The following ZFYVE9 variants were observed in gnomAD, a reference collection of about 807,000 sequenced individuals.
ZFYVE9 encodes zinc finger FYVE domain-containing protein 9.
In ZFYVE9, 43 loss-of-function variants were observed where a neutral mutation model predicts 126.7. The observed-to-expected ratio is 0.34, with a 90% CI of 0.27 to 0.44. The LOEUF is 0.44. Among genes scored for constraint, ZFYVE9 ranks in the 20% least tolerant of loss-of-function variants. The probability of loss-of-function intolerance (pLI) is 1.00; values close to 1 mark genes in which losing one functional copy is unlikely to be tolerated. For missense variants in ZFYVE9, 1,476 were observed against 1,697.0 expected (o/e 0.87, Z 2.29); for synonymous variants, 521 against 597.4 (o/e 0.87, Z 1.87).
chr1:52,320,166 G>T (rs924171294), intron 13 of ZFYVE9, among the ~76,000 whole-genome samples: 1 of 151,836 alleles, frequency 6.6e-6, no homozygotes, highest in Non-Finnish European at 1.5e-5. Flanking sequence ...CGCATCCTGG[G>T]TTCAAGTGAT....
chr1:52,277,299 G>T (rs1172859544), intron 8 of ZFYVE9, among the ~76,000 whole-genome samples: 1 of 152,018 alleles, frequency 6.6e-6, no homozygotes, highest in Non-Finnish European at 1.5e-5. Flanking sequence ...ATAAATCTTA[G>T]ATTAACAGGG....
chr1:52,312,956 G>A (rs7546683), intron 13 of ZFYVE9, among the ~76,000 whole-genome samples: 5 of 152,088 alleles, frequency 3.3e-5, no homozygotes, highest in African/African-American at 2.4e-5. Context: ...AGAGCAGGTC[G>A]AAATCCAATA....
At chr1:52,265,512 A>G (rs1449284222) in intron 5 of ZFYVE9, among the ~76,000 whole-genome samples, 1 of 152,138 alleles carries the variant, frequency 6.6e-6, no homozygotes, top group Non-Finnish European at 1.5e-5. Context: ...TTTCTGTAGC[A>G]CCTTTCATCC....
chr1:52,280,873 G>T (rs1289852654), intron 9 of ZFYVE9, among the ~76,000 whole-genome samples: 1 of 152,056 alleles, frequency 6.6e-6, no homozygotes, highest in African/African-American at 2.4e-5. Flanking sequence ...GTCACAACCT[G>T]AAGATAAAGC....
chr1:52,160,339 A>G, intron 1 of ZFYVE9: 2 of 1,129,830 alleles, frequency 1.8e-6, no homozygotes, highest in Admixed American at 1.7e-5. Flanking sequence ...CAAAAGACAG[A>G]TTGTGAGTCA....
At chr1:52,339,957 A>G (rs915279262) in intron 16 of ZFYVE9, among the ~76,000 whole-genome samples, 169 bp from the exon 17 acceptor site, 20 of 152,212 alleles carry the variant, frequency 1.3e-4, no homozygotes, top group Admixed American at 3.9e-4. Context: ...AGCTCAGTTC[A>G]TGTACATTTT....
Position 52,278,388 on chromosome 1 carries a change from A to G in ZFYVE9, c.2747-104A>G, listed in dbSNP as rs948403812. On this transcript the variant is annotated intron_variant, in intron 8 of 18. Coordinates refer to ENST00000287727, the MANE Select transcript of ZFYVE9 (RefSeq NM_004799.4). ...TCTGTATGCACCTATTGATAAATCA[A>G]ATGCATGTCTCTTTTCTGTGAATAA... 101 of 1,451,020 alleles carry G rather than the reference A, an allele frequency of 7.0e-5. No individual in the cohort carries two copies. The East Asian group carries it at 2.3e-3, about 33-fold the overall frequency. 89.9% of individuals were successfully genotyped at this position (1,451,020 alleles called of 1,614,324 possible). A position where few individuals can be genotyped will look rare whatever the true frequency, so the allele number is the denominator to read the frequency against.
At chr1:52,258,185 G>A (rs761016487) in intron 4 of ZFYVE9, among the ~76,000 whole-genome samples, 4 of 152,152 alleles carry the variant, frequency 2.6e-5, no homozygotes, top group Non-Finnish European at 4.4e-5. Context: ...GTGGGGAAAT[G>A]GAGAATAAGT....
At chr1:52,209,143 C>T (rs1242484126) in intron 1 of ZFYVE9, among the ~76,000 whole-genome samples, 2 of 152,078 alleles carry the variant, frequency 1.3e-5, no homozygotes, top group African/African-American at 2.4e-5. Flanking sequence ...CATAAGTGCT[C>T]TGATAGGGGT....
At position 52,181,452 on chromosome 1, in the gene ZFYVE9, G is replaced by A. The variant is rs539401964; in HGVS notation, c.-142-34917G>A. The stretch of plus-strand genomic sequence containing the variant: ...TCGCTACAATCTCCACCTCCCAGCC[G>A]CCTGCCTTGGCCTCCCAAAGTGCCG... On this transcript the variant is annotated intron_variant, in intron 1 of 18. Coordinates refer to ENST00000287727, the MANE Select transcript of ZFYVE9 (RefSeq NM_004799.4). Among the ~76,000 whole-genome samples the A allele has an allele frequency of 2.6e-3, 394 of 152,298 alleles. 2 individuals are homozygous for A. Among genetic ancestry groups the A allele is most frequent in the Non-Finnish European group, 3.7e-3 (249 of 68,028 alleles).
At chr1:52,308,302 T>A (rs1455507239) in intron 13 of ZFYVE9, among the ~76,000 whole-genome samples, 1 of 152,132 alleles carries the variant, frequency 6.6e-6, no homozygotes, top group Non-Finnish European at 1.5e-5. Flanking sequence ...CACTTCAGCC[T>A]CCTAAGTAGC....
intron 13 of ZFYVE9, among the ~76,000 whole-genome samples, chr1:52,305,637 T>A (rs1441001615): frequency 6.6e-6 from 1 of 151,914 alleles, no homozygotes; most frequent in Non-Finnish European, 1.5e-5. Flanking sequence ...GGGGTGGGCC[T>A]CCCAAGGTGC....
intron 12 of ZFYVE9, among the ~76,000 whole-genome samples, chr1:52,299,982 C>T (rs1646017276): frequency 6.6e-6 from 1 of 152,206 alleles, no homozygotes; most frequent in Admixed American, 6.5e-5. Flanking sequence ...TCATGGGGAC[C>T]ATGGGTCCCC....
At chr1:52,168,200 C>T (rs114256853) in intron 1 of ZFYVE9, among the ~76,000 whole-genome samples, 1,816 of 150,444 alleles carry the variant, frequency 0.012, 35 homozygotes, top group African/African-American at 0.042. Context: ...CCTCCTCTTC[C>T]TCCTCTTCGT....
At chr1:52,242,478 C>T (rs1228463246) in intron 4 of ZFYVE9, among the ~76,000 whole-genome samples, 1 of 151,870 alleles carries the variant, frequency 6.6e-6, no homozygotes, top group Non-Finnish European at 1.5e-5. Context: ...CATACGGGTG[C>T]TCAGTAGATA....
At chr1:52,248,582 A>G (rs115344621) in intron 4 of ZFYVE9, among the ~76,000 whole-genome samples, 15 of 152,128 alleles carry the variant, frequency 9.9e-5, no homozygotes, top group Non-Finnish European at 2.1e-4. Flanking sequence ...TAATCATCAC[A>G]TAGTGTGTAT....
chr1:52,303,024 C>T (rs866285055), intron 12 of ZFYVE9, among the ~76,000 whole-genome samples: 1 of 151,852 alleles, frequency 6.6e-6, no homozygotes, highest in South Asian at 2.1e-4. Context: ...GCATGAGACT[C>T]GCTTGAACCC....
chr1:52,185,354 T>C (rs182894937), intron 1 of ZFYVE9, among the ~76,000 whole-genome samples: 29 of 152,252 alleles, frequency 1.9e-4, no homozygotes. Context: ...TGCTAAAAGA[T>C]TGTAAATTCC....
intron 1 of ZFYVE9, among the ~76,000 whole-genome samples, chr1:52,188,369 A>G (rs1644784621): frequency 6.6e-6 from 1 of 152,178 alleles, no homozygotes; most frequent in African/African-American, 2.4e-5. Context: ...AAAAATAAGT[A>G]TTAGGTACTA....
Sources: gnomAD v4.1 joint callset for allele counts (sites outside exome capture counted in the v4.1 genomes callset) on GRCh38, gnomAD v4.1.1 for gene constraint, MANE v1.5 for transcripts, NCBI Gene and HGNC (gene_info 2026-07-23, HGNC 2026-07-21) for gene names.